PTPRD: variants seen among roughly 807,000 people sequenced by gnomAD.
PTPRD encodes the protein protein tyrosine phosphatase receptor type D, also known as receptor-type tyrosine-protein phosphatase delta.
A neutral mutation model predicts 214.5 loss-of-function variants in PTPRD; 34 were observed. The observed-to-expected ratio is 0.16, with a 90% confidence interval of 0.12 to 0.21. The LOEUF (loss-of-function observed/expected upper bound fraction) is 0.21. Ranked by LOEUF, PTPRD falls within the 10% of genes least tolerant of loss-of-function variation. The probability of loss-of-function intolerance (pLI) is 1.00; values close to 1 mark genes in which losing one functional copy is unlikely to be tolerated. For synonymous variants in PTPRD, 1,128 were observed against 845.7 expected (o/e 1.33, Z -5.79); for missense variants, 2,545 against 2,398.7 (o/e 1.06, Z -1.27).
chr9:8,661,959 C>T (rs2097064486), intron 12 of PTPRD, among the ~76,000 whole-genome samples: 1 of 152,162 alleles, frequency 6.6e-6, no homozygotes, highest in African/African-American at 2.4e-5. Context: ...TTCACTCATT[C>T]ATTCTACAGG....
At position 10,144,993 on chromosome 9, in the gene PTPRD, A is replaced by G. The variant is rs112000643; in HGVS notation, c.-544-111203T>C. 2.1e-3 allele frequency among the ~76,000 whole-genome samples: 313 copies of G among 152,218 alleles called. 1 individual carries two copies. Among genetic ancestry groups the G allele is most frequent in the African/African-American group, 6.3e-3 (260 of 41,564 alleles). On this transcript the variant is annotated intron_variant, in intron 3 of 45. Coordinates refer to ENST00000381196, the MANE Select transcript of PTPRD (RefSeq NM_002839.4). ...CTCTGGAAAAACTGAAAAAATATAA[A>G]GTCTCCTCCTTTATCAGGAAAAAAA...
intron 5 of PTPRD, among the ~76,000 whole-genome samples, chr9:9,889,646 T>G (rs1246482369): frequency 6.6e-6 from 1 of 152,158 alleles, no homozygotes; most frequent in Non-Finnish European, 1.5e-5. Context: ...TGTGACAAAG[T>G]AGCTGGACTC....
intron 10 of PTPRD, among the ~76,000 whole-genome samples, chr9:9,159,643 G>A (rs943815809): frequency 4.6e-5 from 7 of 152,170 alleles, no homozygotes; most frequent in Middle Eastern, 3.4e-3. Context: ...TCAAGTGATC[G>A]ACAGGTTGAA....
intron 10 of PTPRD, among the ~76,000 whole-genome samples, chr9:9,139,057 T>C (rs1352101692): frequency 6.6e-6 from 1 of 152,062 alleles, no homozygotes; most frequent in Non-Finnish European, 1.5e-5. Flanking sequence ...CAAATCCAAA[T>C]TTGGGTATCA....
intron 7 of PTPRD, among the ~76,000 whole-genome samples, chr9:9,604,656 TGA>T (rs906828841): frequency 7.2e-5 from 11 of 152,096 alleles, no homozygotes; most frequent in Non-Finnish European, 1.6e-4. Context: ...TCAAAAATAT[TGA>T]GTTTTACATA....
At chr9:9,010,400 G>T (rs2154361815) in intron 11 of PTPRD, among the ~76,000 whole-genome samples, 1 of 152,282 alleles carries the variant, frequency 6.6e-6, no homozygotes, top group Middle Eastern at 3.4e-3. Flanking sequence ...CCCCTGCTCT[G>T]TGTCTGGTGA....
chr9:8,531,209 G>T (rs1008982514), intron 14 of PTPRD, among the ~76,000 whole-genome samples: 1 of 152,062 alleles, frequency 6.6e-6, no homozygotes, highest in Non-Finnish European at 1.5e-5. Context: ...TGAATTTCAA[G>T]ATGATTTTTC....
At chr9:10,579,629 C>A (rs1043989189) in intron 2 of PTPRD, among the ~76,000 whole-genome samples, 1 of 152,096 alleles carries the variant, frequency 6.6e-6, no homozygotes. Flanking sequence ...TGGATATATA[C>A]CCAGTAATGG....
At chr9:8,682,309 A>G (rs941739828) in intron 12 of PTPRD, among the ~76,000 whole-genome samples, 1 of 152,240 alleles carries the variant, frequency 6.6e-6, no homozygotes. Flanking sequence ...CATTCTTAGC[A>G]TGACAAACAA....
intron 35 of PTPRD, 87 bp downstream of exon 35, chr9:8,436,505 C>G: frequency 1.0e-6 from 1 of 985,700 alleles, no homozygotes; most frequent in South Asian, 1.5e-5. Context: ...GGGAAAAGCA[C>G]TGATGAAGTT....
chr9:9,096,066 A>G (rs899323485), intron 10 of PTPRD, among the ~76,000 whole-genome samples: 2 of 152,208 alleles, frequency 1.3e-5, no homozygotes, highest in African/African-American at 4.8e-5. Flanking sequence ...AAATACACAG[A>G]GCTAGAGAAC....
At chr9:9,641,849 C>A (rs1237051789) in intron 7 of PTPRD, among the ~76,000 whole-genome samples, 1 of 152,022 alleles carries the variant, frequency 6.6e-6, no homozygotes, top group Admixed American at 6.5e-5. Context: ...CACCCTAGCA[C>A]CTGGACCCAT....
At chr9:8,446,824 C>G (rs1475559907) in intron 34 of PTPRD, among the ~76,000 whole-genome samples, 1 of 152,120 alleles carries the variant, frequency 6.6e-6, no homozygotes, top group Non-Finnish European at 1.5e-5. Context: ...CAAGAAAACC[C>G]TTGATTCTTC....
intron 11 of PTPRD, among the ~76,000 whole-genome samples, chr9:8,970,638 C>T (rs909214320): frequency 6.6e-6 from 1 of 151,716 alleles, no homozygotes; most frequent in African/African-American, 2.4e-5. Context: ...CAAATTACAA[C>T]TAAAAATCTG....
At chr9:8,806,700 C>G (rs1356525752) in intron 11 of PTPRD, among the ~76,000 whole-genome samples, 1 of 152,144 alleles carries the variant, frequency 6.6e-6, no homozygotes, top group African/African-American at 2.4e-5. Flanking sequence ...ACTGTAACTA[C>G]CTGAGGTTCT....
chr9:9,152,061 G>C (rs2099877271), intron 10 of PTPRD, among the ~76,000 whole-genome samples: 1 of 152,162 alleles, frequency 6.6e-6, no homozygotes, highest in Non-Finnish European at 1.5e-5. Context: ...ACTGGATTTT[G>C]TTCTTTTCTG....
chr9:10,346,335 A>C (rs946024710), intron 2 of PTPRD, among the ~76,000 whole-genome samples: 1 of 152,148 alleles, frequency 6.6e-6, no homozygotes, highest in Non-Finnish European at 1.5e-5. Context: ...TGAGGCTTCA[A>C]TTCATGTTTT....
At chr9:9,764,463 A>G (rs1179707670) in intron 6 of PTPRD, among the ~76,000 whole-genome samples, 1 of 152,166 alleles carries the variant, frequency 6.6e-6, no homozygotes, top group Non-Finnish European at 1.5e-5. Context: ...CTAAAAAGAT[A>G]AAGACAAATA....
chr9:9,099,398 C>A lies in PTPRD; in HGVS notation c.-142-80663G>T, dbSNP rs754133419. Among the ~76,000 whole-genome samples, 9 of 152,098 alleles carry A rather than the reference C, an allele frequency of 5.9e-5. No homozygotes were observed. The East Asian group carries it at 1.7e-3, about 29-fold the overall frequency. Reference sequence around the variant, plus strand: ...ATATACGAAACTGCCTTGTGTATTGCTAATCATGTTTGTCTTGAATAAGTG... The same window carrying A: ...ATATACGAAACTGCCTTGTGTATTGATAATCATGTTTGTCTTGAATAAGTG... On this transcript the variant is annotated intron_variant, in intron 10 of 45. Coordinates refer to ENST00000381196, the MANE Select transcript of PTPRD (RefSeq NM_002839.4).
Sources: allele counts gnomAD v4.1 joint callset (sites outside exome capture counted in the v4.1 genomes callset), GRCh38; gene constraint gnomAD v4.1.1; transcripts MANE v1.5; gene names NCBI Gene and HGNC (gene_info 2026-07-23, HGNC 2026-07-21).